Variants in ACADL observed in about 807,000 individuals in gnomAD.
ACADL encodes acyl-CoA dehydrogenase long chain, also known as long-chain specific acyl-CoA dehydrogenase, mitochondrial.
In ACADL, 60 loss-of-function variants were observed where a neutral mutation model predicts 56.9. That is an observed-to-expected ratio of 1.05 (90% CI 0.86 to 1.31). ACADL has a LOEUF of 1.31. Among genes scored for constraint, ACADL ranks in the 50% most tolerant of loss-of-function variants. The pLI, the probability that ACADL is intolerant of heterozygous loss-of-function variation, is 0.00. For missense variants in ACADL, 484 were observed against 525.5 expected (o/e 0.92, Z 0.77); for synonymous variants, 158 against 179.7 (o/e 0.88, Z 0.97).
chr2:210,205,367 C>G (rs1213274917), intron 6 of ACADL, among the ~76,000 whole-genome samples: 1 of 152,068 alleles, frequency 6.6e-6, no homozygotes, highest in Non-Finnish European at 1.5e-5. Context: ...ATGCATTTTA[C>G]AAATAGATGG....
intron 2 of ACADL, among the ~76,000 whole-genome samples, chr2:210,219,099 A>G (rs1689135546): frequency 6.6e-6 from 1 of 152,176 alleles, no homozygotes; most frequent in East Asian, 1.9e-4. Context: ...AATTTTTAAG[A>G]CTTGGATTAT....
chr2:210,220,622 C>T (rs1483786817), intron 2 of ACADL, 25 bp downstream of exon 2: 1 of 1,608,354 alleles, frequency 6.2e-7, no homozygotes, highest in Non-Finnish European at 8.5e-7. Context: ...GTATACATTA[C>T]ATTAGAGGAA....
Position 210,216,794 on chromosome 2 carries a change from G to A in ACADL, c.372-283C>T. On this transcript the variant is annotated intron_variant, in intron 3 of 10. Coordinates refer to ENST00000233710, the MANE Select transcript of ACADL (RefSeq NM_001608.4). ...CCTGCAGTTGTATTCCTCTAACACA[G>A]TGGAATAATAACTGTATTCCTCTAA... is the stretch of plus-strand genomic sequence containing the variant. The A allele has an allele frequency of 8.6e-6, 3 of 348,288 alleles. No individual in the cohort carries two copies. In the South Asian group the frequency reaches 8.7e-5, roughly 10 times the overall value. The allele number at this position is 348,288 out of a possible 1,614,324, so 21.6% of individuals were successfully genotyped here.
chr2:210,204,357 A>C (rs150707822), intron 7 of ACADL, among the ~76,000 whole-genome samples: 3 of 152,328 alleles, frequency 2.0e-5, no homozygotes, highest in African/African-American at 7.2e-5. Flanking sequence ...TGTTTTTCCT[A>C]CTTACTTTAT....
At position 210,221,253 on chromosome 2, in the gene ACADL, G is replaced by A. The variant is rs117524694; in HGVS notation, c.78-451C>T. ...CAGAATCACACAATTTCAAATTGCA[G>A]GTGTATAAGATGCAAACCATGTTGA... On this transcript the variant is annotated intron_variant, in intron 1 of 10. Coordinates refer to ENST00000233710, the MANE Select transcript of ACADL (RefSeq NM_001608.4). Among the ~76,000 whole-genome samples, 45 of 152,250 alleles carry A rather than the reference G, an allele frequency of 3.0e-4. No individual in the cohort carries two copies. The East Asian group carries it at 8.7e-3, about 29-fold the overall frequency.
chr2:210,201,965 G>A (rs1474221064), intron 8 of ACADL, among the ~76,000 whole-genome samples: 1 of 152,092 alleles, frequency 6.6e-6, no homozygotes, highest in Non-Finnish European at 1.5e-5. Flanking sequence ...TACACAAAAA[G>A]CAGAAAGTAG....
intron 8 of ACADL, among the ~76,000 whole-genome samples, chr2:210,200,952 T>C (rs762057991): frequency 3.9e-5 from 6 of 152,202 alleles, no homozygotes; most frequent in Non-Finnish European, 7.3e-5. Context: ...ATCTAATTGA[T>C]AGAGACAGGA....
intron 8 of ACADL, among the ~76,000 whole-genome samples, chr2:210,196,474 A>G (rs1319163885): frequency 2.6e-5 from 4 of 152,070 alleles, no homozygotes; most frequent in African/African-American, 7.2e-5. Flanking sequence ...AAATCATTCT[A>G]TTTAGACCAT....
chr2:210,215,260 C>T (rs1343059064), intron 4 of ACADL, among the ~76,000 whole-genome samples: 1 of 151,898 alleles, frequency 6.6e-6, no homozygotes, highest in Non-Finnish European at 1.5e-5. Context: ...TGTTCTCTGC[C>T]TCTGTTTTCT....
At chr2:210,204,432 T>G (rs1688850330) in intron 7 of ACADL, 149 bp downstream of exon 7, 1 of 644,192 alleles carries the variant, frequency 1.6e-6, no homozygotes, top group Non-Finnish European at 2.7e-6. Context: ...CTCATACTTT[T>G]ATTACAACTT....
intron 8 of ACADL, among the ~76,000 whole-genome samples, chr2:210,200,705 C>CT (rs745516002): frequency 6.6e-6 from 1 of 152,018 alleles, no homozygotes; most frequent in African/African-American, 2.4e-5. Flanking sequence ...GATGTAAAGA[C>CT]TTTTTTTCAG....
intron 4 of ACADL, among the ~76,000 whole-genome samples, chr2:210,210,508 A>G (rs966890932): frequency 6.6e-6 from 1 of 152,256 alleles, no homozygotes; most frequent in East Asian, 1.9e-4. Context: ...ATACAGTAGT[A>G]TAACAAAGCC....
chr2:210,203,301 T>A (rs749498544), intron 8 of ACADL, 30 bp downstream of exon 8: 2 of 1,456,536 alleles, frequency 1.4e-6, no homozygotes, highest in Admixed American at 3.4e-5. Context: ...ACTGATACCA[T>A]CTAATACTAA....
intron 4 of ACADL, among the ~76,000 whole-genome samples, chr2:210,213,666 C>T (rs1689026750): frequency 6.6e-6 from 1 of 152,182 alleles, no homozygotes; most frequent in Non-Finnish European, 1.5e-5. Flanking sequence ...CAATAATCTT[C>T]TTCAGTATCA....
At chr2:210,211,212 T>G (rs994350111) in intron 4 of ACADL, among the ~76,000 whole-genome samples, 4 of 152,230 alleles carry the variant, frequency 2.6e-5, no homozygotes, top group African/African-American at 9.6e-5. Flanking sequence ...TAATATGATT[T>G]TGATCTGTTA....
Position 210,195,253 on chromosome 2 carries a change from G to A in ACADL, c.1070C>T (p.Ala357Val), listed in dbSNP as rs773157238. 8.1e-6 allele frequency: 13 copies of A among 1,613,808 alleles called. No individual in the cohort carries two copies. The East Asian group carries it at 1.1e-4, about 14-fold the overall frequency. The part of the protein sequence containing the change: ...FVDNCLQLHE[A>V]KRLDSATACM... ...AGCAGTGGCGGAGTCCAAACGTTTC[G>A]CTTCATGCAGCTGGAGACAGTTGTC... The change falls in exon 9 of 11, where the codon GCG becomes GTG. Residue 357 changes from alanine (A) to valine (V), a missense_variant. Physicochemically the swap from Ala to Val is moderately conservative, Grantham distance 64 (BLOSUM62 0). Coordinates refer to ENST00000233710, the MANE Select transcript of ACADL (RefSeq NM_001608.4).
chr2:210,218,238 C>A, intron 2 of ACADL, 136 bp from the exon 3 acceptor site: 29 of 630,798 alleles, frequency 4.6e-5, no homozygotes, highest in Non-Finnish European at 6.9e-5. Context: ...CCATATGCTT[C>A]TATTTGCCTC....
intron 2 of ACADL, 71 bp downstream of exon 2, chr2:210,220,576 T>G: frequency 7.1e-7 from 1 of 1,401,764 alleles, no homozygotes; most frequent in South Asian, 1.2e-5. Context: ...TATAGCAATA[T>G]ATGGCATTCT....
intron 3 of ACADL, among the ~76,000 whole-genome samples, chr2:210,216,928 A>G (rs1689097308): frequency 6.6e-6 from 1 of 151,908 alleles, no homozygotes; most frequent in African/African-American, 2.4e-5. Context: ...AAAAAGAAAA[A>G]AAAGGACCAA....
Sources: allele counts gnomAD v4.1 joint callset (sites outside exome capture counted in the v4.1 genomes callset), GRCh38; gene constraint gnomAD v4.1.1; transcripts MANE v1.5; gene names NCBI Gene and HGNC (gene_info 2026-07-23, HGNC 2026-07-21).